CHN1: variants seen among roughly 807,000 people sequenced by gnomAD.
CHN1 encodes N-chimaerin.
CHN1 carries 37 observed loss-of-function variants against 59.5 expected under a neutral mutation model. That is an observed-to-expected ratio of 0.62 (90% CI 0.48 to 0.82). CHN1 has a LOEUF of 0.82. Ranked by LOEUF, CHN1 falls within the 40% of genes least tolerant of loss-of-function variation. The pLI is 0.00. For synonymous variants in CHN1, 206 were observed against 200.4 expected, an observed-to-expected ratio of 1.03 and a Z score of -0.24; for missense variants, 469 against 571.0, an observed-to-expected ratio of 0.82 and a Z score of 1.82.
intron 2 of CHN1, among the ~76,000 whole-genome samples, chr2:174,951,156 T>C (rs577836562): frequency 6.6e-6 from 1 of 152,332 alleles, no homozygotes; most frequent in African/African-American, 2.4e-5. Context: ...TATTAGTCAT[T>C]TTTACACATT....
intron 2 of CHN1, among the ~76,000 whole-genome samples, chr2:174,950,474 C>T (rs1286775276): frequency 6.6e-6 from 1 of 151,948 alleles, no homozygotes; most frequent in Non-Finnish European, 1.5e-5. Flanking sequence ...CCATGTTAGG[C>T]TGGTCACAAA....
intron 1 of CHN1, among the ~76,000 whole-genome samples, chr2:174,981,953 C>G (rs182540739): frequency 1.6e-3 from 240 of 152,272 alleles, no homozygotes; most frequent in Non-Finnish European, 2.5e-3. Flanking sequence ...CTGCTCCCCC[C>G]ACCCCACGAC....
intron 5 of CHN1, among the ~76,000 whole-genome samples, chr2:174,895,869 C>T (rs1453412393): frequency 6.6e-6 from 1 of 152,094 alleles, no homozygotes; most frequent in Non-Finnish European, 1.5e-5. Flanking sequence ...GTTGAAGGTT[C>T]ATCAGCAGTT....
chr2:174,932,183 C>A (rs1689368817), intron 3 of CHN1, among the ~76,000 whole-genome samples: 1 of 152,160 alleles, frequency 6.6e-6, no homozygotes, highest in Non-Finnish European at 1.5e-5. Context: ...GTCACTATGA[C>A]AAATCAACCT....
At chr2:174,936,360 A>G (rs1395319958) in intron 3 of CHN1, among the ~76,000 whole-genome samples, 1 of 152,214 alleles carries the variant, frequency 6.6e-6, no homozygotes, top group African/African-American at 2.4e-5. Context: ...AATACACTGT[A>G]TTAATATCAG....
intron 4 of CHN1, among the ~76,000 whole-genome samples, chr2:174,916,336 A>G (rs1289546605): frequency 1.3e-5 from 2 of 152,294 alleles, no homozygotes; most frequent in East Asian, 3.9e-4. Context: ...CTGTGCAAGT[A>G]GTATTAAAAA....
chr2:174,952,163 C>G lies in CHN1; in HGVS notation c.58+1G>C. On this transcript the variant is annotated splice_donor_variant, in intron 2 of 12. Coordinates refer to ENST00000409900, the MANE Select transcript of CHN1 (RefSeq NM_001822.7). LOFTEE classifies it high-confidence loss of function. ...ACCCACACAATTATTTGTAGACTTA[C>G]AGTAAGATTTCCAAACAGGAGGTCT... The G allele has an allele frequency of 6.9e-7, 1 of 1,440,894 alleles. No homozygotes were observed. The highest frequency in any genetic ancestry group is 1.6e-5 in the South Asian group (1 of 64,142). The allele number at this position is 1,440,894 out of a possible 1,614,324, so 89.3% of individuals were successfully genotyped here. A position where few individuals can be genotyped will look rare whatever the true frequency, so the allele number is the denominator to read the frequency against.
intron 6 of CHN1, among the ~76,000 whole-genome samples, chr2:174,877,175 T>C (rs762130549): frequency 6.6e-6 from 1 of 152,164 alleles, no homozygotes; most frequent in Non-Finnish European, 1.5e-5. Context: ...GCCAAGAAAT[T>C]AAAACTTTTA....
chr2:174,818,787 TTTAAA>T (rs1208371526), intron 8 of CHN1, among the ~76,000 whole-genome samples: 2 of 152,204 alleles, frequency 1.3e-5, no homozygotes, highest in Non-Finnish European at 2.9e-5. Context: ...GACTACCAAC[TTTAAA>T]TTACTTTCAG....
At chr2:174,937,663 G>A (rs891284532) in intron 3 of CHN1, among the ~76,000 whole-genome samples, 5 of 151,778 alleles carry the variant, frequency 3.3e-5, no homozygotes, top group African/African-American at 9.7e-5. Flanking sequence ...CTGGTGGGAG[G>A]TGTTTCAGTC....
chr2:174,927,696 T>C (rs1235026562), intron 3 of CHN1, among the ~76,000 whole-genome samples: 2 of 152,208 alleles, frequency 1.3e-5, no homozygotes, highest in Non-Finnish European at 2.9e-5. Context: ...AAAACATTTA[T>C]AAAATTTCAA....
chr2:174,907,545 T>C (rs982253282), intron 5 of CHN1, among the ~76,000 whole-genome samples: 4 of 152,148 alleles, frequency 2.6e-5, no homozygotes, highest in African/African-American at 7.2e-5. Flanking sequence ...GGAGGTATTA[T>C]CTTTTGTTTT....
intron 1 of CHN1, among the ~76,000 whole-genome samples, chr2:174,954,889 A>G (rs1317494381): frequency 6.6e-6 from 1 of 152,096 alleles, no homozygotes; most frequent in East Asian, 1.9e-4. Flanking sequence ...GAGATTCCTT[A>G]AAGAACTAAA....
intron 7 of CHN1, among the ~76,000 whole-genome samples, chr2:174,830,606 T>C (rs1685845659): frequency 6.6e-6 from 1 of 152,206 alleles, no homozygotes; most frequent in African/African-American, 2.4e-5. Flanking sequence ...AATGGATGTG[T>C]AATTGATGAC....
chr2:174,919,208 A>G (rs931701483), intron 3 of CHN1, among the ~76,000 whole-genome samples: 1 of 152,238 alleles, frequency 6.6e-6, no homozygotes, highest in Non-Finnish European at 1.5e-5. Flanking sequence ...TGGAACTTAC[A>G]TTCTAATAGT....
chr2:174,955,706 A>C (rs1034927233), intron 1 of CHN1, among the ~76,000 whole-genome samples: 1 of 152,206 alleles, frequency 6.6e-6, no homozygotes. Flanking sequence ...ATGTAATACT[A>C]AACAGCCATA....
At position 174,882,189 on chromosome 2, in the gene CHN1, A is replaced by G. The variant is rs370110366; in HGVS notation, c.261-4061T>C. On this transcript the variant is annotated intron_variant, in intron 5 of 12. Coordinates refer to ENST00000409900, the MANE Select transcript of CHN1 (RefSeq NM_001822.7). ...AGCAAGATGAAAATTCATTTTCTCC[A>G]GAGTGTTACTATAGTAAACAAATAG... is the stretch of plus-strand genomic sequence containing the variant. Among the ~76,000 whole-genome samples, 39 of 152,334 alleles carry G rather than the reference A, an allele frequency of 2.6e-4. No individual in the cohort carries two copies. The East Asian group carries it at 6.7e-3, about 26-fold the overall frequency.
intron 6 of CHN1, among the ~76,000 whole-genome samples, chr2:174,855,799 T>C (rs1686882411): frequency 6.6e-6 from 1 of 152,148 alleles, no homozygotes; most frequent in Non-Finnish European, 1.5e-5. Flanking sequence ...TTGTATACTT[T>C]AAAGACTTAA....
chr2:174,945,327 T>G, intron 2 of CHN1: 2 of 207,944 alleles, frequency 9.6e-6, no homozygotes, highest in South Asian at 1.4e-4. Context: ...GTGTCAACCT[T>G]GAAACTAAAA....
Sources: gnomAD v4.1 joint callset for allele counts (sites outside exome capture counted in the v4.1 genomes callset) on GRCh38, gnomAD v4.1.1 for gene constraint, MANE v1.5 for transcripts, NCBI Gene and HGNC (gene_info 2026-07-23, HGNC 2026-07-21) for gene names.